The following NOS1AP variants were observed in gnomAD, a reference collection of about 807,000 sequenced individuals.
The protein encoded by NOS1AP is carboxyl-terminal PDZ ligand of neuronal nitric oxide synthase protein.
NOS1AP carries 21 observed loss-of-function variants against 56.2 expected under a neutral mutation model. That is an observed-to-expected ratio of 0.37 (90% CI 0.26 to 0.54). The LOEUF is 0.54. Among genes scored for constraint, NOS1AP ranks in the 20% least tolerant of loss-of-function variants. The probability of loss-of-function intolerance (pLI) is 0.84; values close to 1 mark genes in which losing one functional copy is unlikely to be tolerated. For synonymous variants in NOS1AP, 270 were observed against 274.6 expected (o/e 0.98, Z 0.17); for missense variants, 522 against 657.8 (o/e 0.79, Z 2.26).
At chr1:162,113,139 G>A (rs1647778279) in intron 1 of NOS1AP, among the ~76,000 whole-genome samples, 1 of 152,128 alleles carries the variant, frequency 6.6e-6, no homozygotes, top group African/African-American at 2.4e-5. Context: ...AGGATCCCTG[G>A]TTTCTAGAGA....
intron 2 of NOS1AP, among the ~76,000 whole-genome samples, chr1:162,192,709 G>C (rs770160478): frequency 2.0e-5 from 3 of 152,178 alleles, no homozygotes; most frequent in Non-Finnish European, 4.4e-5. Flanking sequence ...TGTAAATATA[G>C]ATTTTTAAAA....
chr1:162,206,411 C>G (rs1652166266), intron 2 of NOS1AP, among the ~76,000 whole-genome samples: 1 of 152,316 alleles, frequency 6.6e-6, no homozygotes, highest in South Asian at 2.1e-4. Context: ...TGTGTCTTCC[C>G]TTCCTGTGTT....
intron 2 of NOS1AP, among the ~76,000 whole-genome samples, chr1:162,182,910 C>T (rs1046825408): frequency 6.6e-6 from 1 of 152,224 alleles, no homozygotes; most frequent in Non-Finnish European, 1.5e-5. Flanking sequence ...TTCACTTCTT[C>T]CAAGCTCCTG....
chr1:162,353,605 A>G (rs1657596770), intron 6 of NOS1AP, among the ~76,000 whole-genome samples: 2 of 152,194 alleles, frequency 1.3e-5, no homozygotes, highest in South Asian at 4.1e-4. Flanking sequence ...CATTTTTAGG[A>G]AACATGAATG....
At chr1:162,130,966 A>G (rs1052950186) in intron 1 of NOS1AP, among the ~76,000 whole-genome samples, 1 of 152,224 alleles carries the variant, frequency 6.6e-6, no homozygotes, top group Non-Finnish European at 1.5e-5. Context: ...AAGAAAATTG[A>G]AACTTAGGCA....
chr1:162,229,551 T>C (rs1653051644), intron 2 of NOS1AP, among the ~76,000 whole-genome samples: 2 of 152,178 alleles, frequency 1.3e-5, no homozygotes, highest in African/African-American at 4.8e-5. Context: ...AGCCTGAGTT[T>C]CTGTTTCACC....
intron 1 of NOS1AP, among the ~76,000 whole-genome samples, chr1:162,141,095 CCTT>C (rs1330014996): frequency 3.9e-5 from 6 of 152,160 alleles, no homozygotes; most frequent in Admixed American, 6.5e-5. Context: ...ATTCTTGCCT[CCTT>C]ATCTTTGGCA....
At chr1:162,198,730 A>C (rs935234179) in intron 2 of NOS1AP, among the ~76,000 whole-genome samples, 9 of 152,078 alleles carry the variant, frequency 5.9e-5, no homozygotes, top group African/African-American at 2.2e-4. Flanking sequence ...GTATTTGTGG[A>C]GAGCCTTCCT....
At chr1:162,258,025 C>T (rs377349556) in intron 2 of NOS1AP, among the ~76,000 whole-genome samples, 5 of 151,998 alleles carry the variant, frequency 3.3e-5, no homozygotes, top group Admixed American at 3.3e-4. Flanking sequence ...AAATTTTGAG[C>T]CTTATTTCTG....
intron 1 of NOS1AP, among the ~76,000 whole-genome samples, chr1:162,128,292 A>C (rs1013522703): frequency 3.3e-5 from 5 of 152,296 alleles, no homozygotes; most frequent in East Asian, 1.9e-4. Flanking sequence ...CCACTAAATG[A>C]AAATACACGT....
chr1:162,218,190 GT>G (rs1400629683), intron 2 of NOS1AP, among the ~76,000 whole-genome samples: 2 of 152,172 alleles, frequency 1.3e-5, no homozygotes, highest in African/African-American at 4.8e-5. Flanking sequence ...ATTTGAAGCA[GT>G]TCCGGGACTT....
At chr1:162,203,829 G>C (rs1404520949) in intron 2 of NOS1AP, among the ~76,000 whole-genome samples, 2 of 152,146 alleles carry the variant, frequency 1.3e-5, no homozygotes, top group East Asian at 3.9e-4. Flanking sequence ...CAGAGGATTT[G>C]GTCTTTTTCC....
chr1:162,084,516 A>AGGAGGCCTT, intron 1 of NOS1AP, among the ~76,000 whole-genome samples: 1 of 152,122 alleles, frequency 6.6e-6, no homozygotes, highest in South Asian at 2.1e-4. Flanking sequence ...AAGGAGGTGG[A>AGGAGGCCTT]GGAGGCCTTG....
At chr1:162,167,922 A>C (rs537142480) in intron 2 of NOS1AP, among the ~76,000 whole-genome samples, 4 of 151,980 alleles carry the variant, frequency 2.6e-5, no homozygotes, top group Non-Finnish European at 4.4e-5. Flanking sequence ...GAAAAAAGCA[A>C]CAAGGAACTG....
intron 2 of NOS1AP, among the ~76,000 whole-genome samples, chr1:162,264,080 T>C (rs1185794078): frequency 1.3e-5 from 2 of 152,234 alleles, no homozygotes; most frequent in Non-Finnish European, 2.9e-5. Flanking sequence ...ACGCTGAACC[T>C]GTTTTTCATA....
chr1:162,099,279 G>A (rs555963366), intron 1 of NOS1AP, among the ~76,000 whole-genome samples: 1 of 150,576 alleles, frequency 6.6e-6, no homozygotes, highest in Non-Finnish European at 1.5e-5. Flanking sequence ...GCTCCGCCTC[G>A]CGGGTTCACG....
chr1:162,303,254 A>C (rs1188569751), intron 4 of NOS1AP, among the ~76,000 whole-genome samples: 1 of 152,180 alleles, frequency 6.6e-6, no homozygotes, highest in Non-Finnish European at 1.5e-5. Flanking sequence ...TATACATTTA[A>C]CTTTTAAAGA....
chr1:162,332,929 T>G, intron 4 of NOS1AP, 88 bp from the exon 5 acceptor site: 1 of 938,270 alleles, frequency 1.1e-6, no homozygotes, highest in Non-Finnish European at 1.8e-6. Flanking sequence ...TGAGCTGTGC[T>G]TCAGAGTGTC....
intron 1 of NOS1AP, among the ~76,000 whole-genome samples, chr1:162,076,362 T>C (rs1348355532): frequency 6.6e-6 from 1 of 152,246 alleles, no homozygotes; most frequent in Admixed American, 6.5e-5. Context: ...ATATTTTCTT[T>C]GGAGAATGTC....
Sources: gnomAD v4.1 joint callset for allele counts (sites outside exome capture counted in the v4.1 genomes callset) on GRCh38, gnomAD v4.1.1 for gene constraint, MANE v1.5 for transcripts, NCBI Gene and HGNC (gene_info 2026-07-23, HGNC 2026-07-21) for gene names.